Variants in MYO16 observed in about 807,000 individuals in gnomAD.
The protein encoded by MYO16 is myosin XVI.
MYO16 carries 94 observed loss-of-function variants against 205.3 expected under a neutral mutation model. The ratio of observed to expected loss-of-function variants is 0.46; its 90% CI spans 0.39 to 0.54. The LOEUF is 0.54. Among genes scored for constraint, MYO16 ranks in the 20% least tolerant of loss-of-function variants. MYO16 has a pLI of 0.00. For synonymous variants in MYO16, 988 were observed against 954.0 expected (o/e 1.04, Z -0.66); for missense variants, 2,315 against 2,387.5 (o/e 0.97, Z 0.63).
At chr13:108,788,131 G>A (rs974600674) in intron 5 of MYO16, among the ~76,000 whole-genome samples, 4 of 152,026 alleles carry the variant, frequency 2.6e-5, no homozygotes, top group African/African-American at 9.7e-5. Flanking sequence ...ATTTTGCGTT[G>A]TGCAGTTTCG....
Position 108,746,295 on chromosome 13 carries a change from G to A in MYO16, c.507+18712G>A, listed in dbSNP as rs577087957. 4.9e-4 allele frequency among the ~76,000 whole-genome samples: 75 copies of A among 152,316 alleles called. 2 individuals are homozygous for A. The South Asian group carries it at 0.015, about 31-fold the overall frequency. ...AGACTGGACATAGGCAAGGAACAGTGAGCCACCTCTGACAGCCAGCAGGAC... is the reference window on the plus strand; with the variant it reads ...AGACTGGACATAGGCAAGGAACAGTAAGCCACCTCTGACAGCCAGCAGGAC... On this transcript the variant is annotated intron_variant, in intron 4 of 34. Coordinates refer to ENST00000457511, the MANE Select transcript of MYO16 (RefSeq NM_001198950.3).
intron 34 of MYO16, among the ~76,000 whole-genome samples, chr13:109,204,810 A>G (rs1334674303): frequency 6.6e-6 from 1 of 152,194 alleles, no homozygotes; most frequent in African/African-American, 2.4e-5. Flanking sequence ...GATCTGCAAC[A>G]TAGAAGTACC....
intron 2 of MYO16, among the ~76,000 whole-genome samples, chr13:108,682,450 C>G (rs775453479): frequency 9.6e-5 from 14 of 145,494 alleles, no homozygotes; most frequent in South Asian, 2.2e-4. Context: ...GTGGTGCTTC[C>G]CATTCACTTG....
chr13:108,906,205 GA>G (rs1880969667), intron 15 of MYO16, among the ~76,000 whole-genome samples: 1 of 152,084 alleles, frequency 6.6e-6, no homozygotes, highest in South Asian at 2.1e-4. Flanking sequence ...AAATAAGTGG[GA>G]GGAACTCAAA....
chr13:108,565,358 A>T, the MYO16 span, among the ~76,000 whole-genome samples: 1 of 152,048 alleles, frequency 6.6e-6, no homozygotes, highest in Non-Finnish European at 1.5e-5. Context: ...TTTTTTCATC[A>T]GTGTTTTATA....
At chr13:108,946,597 A>G (rs1322313618) in intron 16 of MYO16, among the ~76,000 whole-genome samples, 1 of 152,218 alleles carries the variant, frequency 6.6e-6, no homozygotes, top group Non-Finnish European at 1.5e-5. Flanking sequence ...CAAGTTCATG[A>G]CATTTAATTT....
intron 11 of MYO16, among the ~76,000 whole-genome samples, chr13:108,860,496 A>G (rs75396007): frequency 6.6e-6 from 1 of 152,138 alleles, no homozygotes; most frequent in Admixed American, 6.6e-5. Context: ...TTTATGGTAG[A>G]GTGATTTATA....
At chr13:108,607,892 G>T (rs1427022888) in intron 1 of MYO16, among the ~76,000 whole-genome samples, 1 of 152,156 alleles carries the variant, frequency 6.6e-6, no homozygotes, top group East Asian at 1.9e-4. Flanking sequence ...ACTACTGGTT[G>T]TTCTCTTAGG....
intron 7 of MYO16, among the ~76,000 whole-genome samples, chr13:108,810,751 A>G (rs1445409726): frequency 6.6e-6 from 1 of 152,166 alleles, no homozygotes; most frequent in Non-Finnish European, 1.5e-5. Context: ...AGAGAGACTA[A>G]TGGCATTTTT....
In MYO16 at chr13:108,823,287, C is replaced by CT; in HGVS notation, c.1097+11dup. On this transcript the variant is annotated intron_variant, in intron 9 of 34. Transcript: ENST00000457511. ...GTACTGTCGAGTAAGCTGTAAGTGT[C>CT]TTCCTGCTTATTCTCTTTTGCCATC... is the stretch of plus-strand genomic sequence containing the variant. The CT allele has an allele frequency of 6.3e-7, 1 of 1,593,758 alleles. No homozygotes were observed. The highest frequency in any genetic ancestry group is 8.5e-7 in the Non-Finnish European group (1 of 1,169,936).
At chr13:108,714,146 T>TC (rs1487642836) in intron 3 of MYO16, among the ~76,000 whole-genome samples, 4 of 152,130 alleles carry the variant, frequency 2.6e-5, no homozygotes, top group Non-Finnish European at 4.4e-5. Context: ...AAGCTCCGTC[T>TC]CCTGGTTCAC....
intron 20 of MYO16, among the ~76,000 whole-genome samples, chr13:108,979,138 C>T (rs997325972): frequency 1.3e-5 from 2 of 151,910 alleles, no homozygotes; most frequent in African/African-American, 4.8e-5. Flanking sequence ...TAGTCACTTT[C>T]ACATTTATAT....
intron 23 of MYO16, among the ~76,000 whole-genome samples, chr13:109,046,154 C>T (rs963319456): frequency 6.6e-6 from 1 of 152,134 alleles, no homozygotes; most frequent in Non-Finnish European, 1.5e-5. Context: ...TCCCATTATC[C>T]ACTACCGGTC....
chr13:108,499,297 T>C, the MYO16 span, among the ~76,000 whole-genome samples: 2 of 152,228 alleles, frequency 1.3e-5, no homozygotes, highest in African/African-American at 2.4e-5. Flanking sequence ...ACTTTGAAGA[T>C]TGTAAATTTC....
intron 23 of MYO16, among the ~76,000 whole-genome samples, chr13:109,043,537 A>G (rs1886947135): frequency 6.6e-6 from 1 of 152,214 alleles, no homozygotes; most frequent in African/African-American, 2.4e-5. Context: ...GAGAAATGAC[A>G]TTCTCAGTTT....
chr13:108,697,840 A>G (rs576883883), intron 2 of MYO16, among the ~76,000 whole-genome samples: 237 of 152,128 alleles, frequency 1.6e-3, no homozygotes, highest in African/African-American at 5.5e-3. Flanking sequence ...CTCCTGCCTC[A>G]GCCTCCCCAG....
chr13:109,182,870 TA>T (rs1451240396), intron 34 of MYO16, among the ~76,000 whole-genome samples: 1 of 152,194 alleles, frequency 6.6e-6, no homozygotes, highest in African/African-American at 2.4e-5. Flanking sequence ...TAATTTTACA[TA>T]AAATGTTTGA....
intron 6 of MYO16, among the ~76,000 whole-genome samples, chr13:108,798,495 G>T (rs947669840): frequency 1.3e-5 from 2 of 151,874 alleles, no homozygotes; most frequent in Non-Finnish European, 2.9e-5. Context: ...TTGTTAAATA[G>T]GGGCCTCAGA....
chr13:109,140,869 C>T lies in MYO16; in HGVS notation c.4657C>T (p.Gln1553Ter). Residue 1553 changes from glutamine (Q) to a stop codon, truncating the protein, a stop_gained, in exon 32 of 35, where the codon CAG becomes TAG. Transcript: ENST00000457511. LOFTEE classifies it high-confidence loss of function. This position sits in a 1 kb window ranked among gnomAD's most constrained non-coding sequence, Gnocchi z 8.0. The stretch of plus-strand genomic sequence containing the variant: ...GGAGACCAACCTCAAGTACCCCGTG[C>T]AGCCGGAGGGGTCGAGCCCGCTGTC... ...VLETNLKYPV[Q>*]PEGSSPLSPQ... 1.3e-6 allele frequency: 2 copies of T among 1,596,562 alleles called. No individual in the cohort carries two copies. Among genetic ancestry groups the T allele is most frequent in the African/African-American group, 1.4e-5 (1 of 72,580 alleles).
Sources: gnomAD v4.1 joint callset for allele counts (sites outside exome capture counted in the v4.1 genomes callset) on GRCh38, gnomAD v4.1.1 for gene constraint, Gnocchi (gnomAD v3.1) non-coding constraint, MANE v1.5 for transcripts, NCBI Gene and HGNC (gene_info 2026-07-23, HGNC 2026-07-21) for gene names.